Variants in GUCY1A2 observed in about 807,000 individuals in gnomAD.
GUCY1A2 encodes guanylate cyclase soluble subunit alpha-2.
A neutral mutation model predicts 63.5 loss-of-function variants in GUCY1A2; 27 were observed. The observed-to-expected ratio is 0.43, with a 90% CI of 0.31 to 0.59. The LOEUF is 0.59. Ranked by LOEUF, GUCY1A2 falls within the 20% of genes least tolerant of loss-of-function variation. The pLI is 0.11. For synonymous variants in GUCY1A2, 364 were observed against 343.5 expected (o/e 1.06, Z -0.66); for missense variants, 768 against 913.3 (o/e 0.84, Z 2.05).
At chr11:106,905,056 C>T in intron 4 of GUCY1A2, among the ~76,000 whole-genome samples, 1 of 152,042 alleles carries the variant, frequency 6.6e-6, no homozygotes, top group Non-Finnish European at 1.5e-5. Context: ...TGCATAATGC[C>T]TAACCATGAA....
chr11:106,710,328 A>T (rs71464755), intron 6 of GUCY1A2, among the ~76,000 whole-genome samples: 882 of 48,300 alleles, frequency 0.018, 111 homozygotes, highest in Admixed American at 0.094. Context: ...TAATATAGTT[A>T]TATATATAAT....
chr11:106,869,899 A>G (rs1428062450), intron 4 of GUCY1A2, among the ~76,000 whole-genome samples: 1 of 152,274 alleles, frequency 6.6e-6, no homozygotes, highest in South Asian at 2.1e-4. Context: ...AATGTGGTAC[A>G]TATACACCAT....
rs1423832484 is a variant in GUCY1A2, at chr11:106,683,644, G to A, written c.*3905C>T. ...GTTTGCTGTGGCCAGGCGTGAGGGG[G>A]TGAGATGGTTTCTAGTGACAGAATG... On this transcript the variant is annotated 3_prime_UTR_variant, in exon 8 of 8. Coordinates refer to ENST00000526355, the MANE Select transcript of GUCY1A2 (RefSeq NM_000855.3). 7 of 226,780 alleles carry A rather than the reference G, an allele frequency of 3.1e-5. No homozygotes were observed. The highest frequency in any genetic ancestry group is 1.1e-4 in the Admixed American group (2 of 17,520). The allele number at this position is 226,780 out of a possible 1,614,324, so 14.0% of individuals were successfully genotyped here. A position where few individuals can be genotyped will look rare whatever the true frequency, so the allele number is the denominator to read the frequency against.
At chr11:106,962,489 A>C (rs1180043147) in intron 3 of GUCY1A2, among the ~76,000 whole-genome samples, 1 of 150,346 alleles carries the variant, frequency 6.7e-6, no homozygotes, top group Non-Finnish European at 1.5e-5. Flanking sequence ...CGGGAGGCAG[A>C]GGTTGCAGTG....
chr11:106,903,950 T>C (rs1416727107), intron 4 of GUCY1A2, among the ~76,000 whole-genome samples: 2 of 152,158 alleles, frequency 1.3e-5, no homozygotes, highest in East Asian at 3.8e-4. Context: ...CCTAAACCTT[T>C]CATTAAATCA....
intron 6 of GUCY1A2, among the ~76,000 whole-genome samples, chr11:106,712,339 A>G (rs568664213): frequency 6.6e-6 from 1 of 152,254 alleles, no homozygotes; most frequent in South Asian, 2.1e-4. Flanking sequence ...ATTTTCCTCT[A>G]TAGAAGTTCA....
intron 5 of GUCY1A2, among the ~76,000 whole-genome samples, chr11:106,788,606 G>A (rs1228653201): frequency 1.3e-5 from 2 of 152,050 alleles, no homozygotes; most frequent in Non-Finnish European, 2.9e-5. Flanking sequence ...TGCATATCCA[G>A]TTTTCCCAGC....
At position 106,776,434 on chromosome 11, in the gene GUCY1A2, G is replaced by A. The variant is rs751655924; in HGVS notation, c.1836+5C>T. ...CTACTCAAACTAGATTGTTGGGAGG[G>A]TTACCTGAATCGGTCTTCCATCAGG... On this transcript the variant is annotated splice_donor_5th_base_variant and intron_variant, in intron 6 of 7. Transcript: ENST00000526355. The A allele has an allele frequency of 1.2e-6, 2 of 1,603,010 alleles. No individual in the cohort carries two copies. The highest frequency in any genetic ancestry group is 1.7e-5 in the Admixed American group (1 of 59,750).
chr11:106,830,604 C>T (rs1859037268), intron 4 of GUCY1A2, among the ~76,000 whole-genome samples: 1 of 152,194 alleles, frequency 6.6e-6, no homozygotes, highest in Non-Finnish European at 1.5e-5. Flanking sequence ...TTTTCCTGTG[C>T]TGGATGCTTC....
At chr11:106,776,066 G>C (rs893921890) in intron 6 of GUCY1A2, among the ~76,000 whole-genome samples, 2 of 152,112 alleles carry the variant, frequency 1.3e-5, no homozygotes, top group African/African-American at 4.8e-5. Flanking sequence ...AAGTTGCGCA[G>C]GTCCTCCATT....
chr11:106,971,463 G>C (rs1019902610), intron 3 of GUCY1A2, among the ~76,000 whole-genome samples: 3 of 152,040 alleles, frequency 2.0e-5, no homozygotes, highest in Non-Finnish European at 4.4e-5. Flanking sequence ...TTTCCCCTGG[G>C]AGTTTCTGTT....
At position 106,943,642 on chromosome 11, in the gene GUCY1A2, C is replaced by T. The variant is rs150128887; in HGVS notation, c.488-3464G>A. ...CTATCACTGGCATAATGCCTGACAC[C>T]TGGAGAATAAGCATTGTTTCATAGA... On this transcript the variant is annotated intron_variant, in intron 3 of 7. Transcript: ENST00000526355. Among the ~76,000 whole-genome samples, 344 of 152,256 alleles carry T rather than the reference C, an allele frequency of 2.3e-3. 2 individuals are homozygous for T. Among genetic ancestry groups the T allele is most frequent in the Admixed American group, 0.016 (246 of 15,296 alleles).
chr11:106,696,922 T>G (rs1326600884), intron 7 of GUCY1A2, among the ~76,000 whole-genome samples: 1 of 152,136 alleles, frequency 6.6e-6, no homozygotes, highest in East Asian at 1.9e-4. Context: ...ACAGGTTAGA[T>G]AGAGACAAAT....
rs151305554 is a variant in GUCY1A2 at position 106,810,188 on chromosome 11, A to G, written c.1497T>C (p.Pro499=). 20 of 1,613,758 alleles carry G rather than the reference A, an allele frequency of 1.2e-5. No individual in the cohort carries two copies. In the African/African-American group the frequency reaches 2.5e-4, roughly 20 times the overall value. ...GCCATAATTGCTGGGCTACATCACC[A>G]GGGAAAATAGAATATAGAAGATCCA... The part of the protein sequence containing the change: ...KTVDLLYSIF[P]GDVAQQLWQG... Residue 499 remains proline (P), a synonymous_variant, in exon 5 of 8, where the codon CCT becomes CCC. Coordinates refer to ENST00000526355, the MANE Select transcript of GUCY1A2 (RefSeq NM_000855.3).
intron 1 of GUCY1A2, among the ~76,000 whole-genome samples, chr11:107,003,186 C>T (rs950990913): frequency 6.6e-6 from 1 of 152,112 alleles, no homozygotes; most frequent in African/African-American, 2.4e-5. Flanking sequence ...CCTTTGTTTA[C>T]TCACCATATA....
At position 106,909,865 on chromosome 11, in the gene GUCY1A2, T is replaced by C. The variant is rs146954906; in HGVS notation, c.1206+29595A>G. Among the ~76,000 whole-genome samples the C allele has an allele frequency of 3.4e-4, 52 of 152,178 alleles. No individual in the cohort carries two copies. The East Asian group carries it at 9.1e-3, about 27-fold the overall frequency. On this transcript the variant is annotated intron_variant, in intron 4 of 7. Transcript: ENST00000526355. ...ATAAGTTCTTATTTCTCTGGGCTAA[T>C]ACCTAAGAATGAAATTTCTGGGTCA...
At chr11:106,795,278 C>A (rs1244403571) in intron 5 of GUCY1A2, among the ~76,000 whole-genome samples, 2 of 152,156 alleles carry the variant, frequency 1.3e-5, no homozygotes, top group African/African-American at 4.8e-5. Context: ...CATCTGGGCT[C>A]TCTCTGATCG....
chr11:106,979,908 A>G (rs1038397714), intron 2 of GUCY1A2, among the ~76,000 whole-genome samples: 10 of 110,002 alleles, frequency 9.1e-5, no homozygotes, highest in African/African-American at 2.7e-4. Context: ...TGGCCTAGGA[A>G]GAGAGTGCTA....
chr11:106,834,199 A>G (rs1021375576), intron 4 of GUCY1A2, among the ~76,000 whole-genome samples: 1 of 151,898 alleles, frequency 6.6e-6, no homozygotes, highest in African/African-American at 2.4e-5. Context: ...CCTTTGACCA[A>G]CACCTGCCCA....
Sources: gnomAD v4.1 joint callset for allele counts (sites outside exome capture counted in the v4.1 genomes callset) on GRCh38, gnomAD v4.1.1 for gene constraint, MANE v1.5 for transcripts, NCBI Gene and HGNC (gene_info 2026-07-23, HGNC 2026-07-21) for gene names.